The following CELF6 variants were observed in gnomAD, a reference collection of about 807,000 sequenced individuals.
CELF6 encodes CUGBP Elav-like family member 6, also known as Bruno -like 6, RNA binding protein.
Under a neutral mutation model 53.1 loss-of-function variants are expected in CELF6, and 32 were observed. The observed-to-expected ratio is 0.60, with a 90% CI of 0.46 to 0.81. CELF6 has a LOEUF of 0.81. Ranked by LOEUF, CELF6 falls within the 30% of genes least tolerant of loss-of-function variation. The pLI, the probability that CELF6 is intolerant of heterozygous loss-of-function variation, is 0.00. For missense variants in CELF6, 539 were observed against 669.5 expected, an observed-to-expected ratio of 0.81 and a Z score of 2.15; for synonymous variants, 291 against 288.8, an observed-to-expected ratio of 1.01 and a Z score of -0.08.
At chr15:72,292,051 TAA>T in intron 3 of CELF6, 1 of 606,978 alleles carries the variant, frequency 1.6e-6, no homozygotes, top group Non-Finnish European at 2.9e-6. Context: ...TGTTCTAACA[TAA>T]ATATTAGGAT....
At chr15:72,292,239 G>T in intron 3 of CELF6, 1 of 1,535,462 alleles carries the variant, frequency 6.5e-7, no homozygotes, top group South Asian at 1.2e-5. Flanking sequence ...GTTTGAGGGG[G>T]GATCTGAGAT....
At position 72,318,599 on chromosome 15, in the gene CELF6, T is replaced by G. The variant is rs550308698; in HGVS notation, c.262+1014A>C. Among the ~76,000 whole-genome samples, 166 of 152,278 alleles carry G rather than the reference T, an allele frequency of 1.1e-3. No homozygotes were observed. The South Asian group carries it at 0.014, about 13-fold the overall frequency. The stretch of plus-strand genomic sequence containing the variant: ...CCCTGCCTGGACAGACTTTTCTGCA[T>G]GTAAACAAGCCTCCTCCCTCTCTCT... On this transcript the variant is annotated intron_variant, in intron 1 of 12. Coordinates refer to ENST00000287202, the MANE Select transcript of CELF6 (RefSeq NM_052840.5).
chr15:72,289,541 C>A lies in CELF6; in HGVS notation c.748-34G>T. The A allele has an allele frequency of 6.7e-7, 1 of 1,496,018 alleles. No homozygotes were observed. The highest frequency in any genetic ancestry group is 2.2e-5 in the Admixed American group (1 of 45,204). 92.7% of individuals were successfully genotyped at this position (1,496,018 alleles called of 1,614,324 possible). A position where few individuals can be genotyped will look rare whatever the true frequency, so the allele number is the denominator to read the frequency against. On this transcript the variant is annotated intron_variant, in intron 6 of 12. Transcript: ENST00000287202. The surrounding 1 kb of genome is among the most constrained non-coding windows in gnomAD (Gnocchi z 7.6). ...GGAAAGATGGGCGAGAGTGGAGGGC[C>A]AAGGGGCAGGCAGCTGCCCGTGCTC... is the stretch of plus-strand genomic sequence containing the variant.
intron 2 of CELF6, among the ~76,000 whole-genome samples, chr15:72,314,891 G>T (rs1230717639): frequency 6.6e-6 from 1 of 151,990 alleles, no homozygotes; most frequent in East Asian, 1.9e-4. Flanking sequence ...CACCGCACTC[G>T]GCCTCAAAAA....
chr15:72,304,771 C>T lies in CELF6; in HGVS notation c.369G>A (p.Lys123=), dbSNP rs751219398. The T allele has an allele frequency of 2.5e-6, 4 of 1,614,072 alleles. No homozygotes were observed. The South Asian group carries it at 4.4e-5, about 18-fold the overall frequency. The change falls in exon 3 of 13, where the codon AAG becomes AAA. Residue 123 remains lysine, a synonymous_variant. Transcript: ENST00000287202. The part of the protein sequence containing the change: ...LPGMNRPIQV[K]PAASEGRGED... ...CTCCTCGGCCCTCACTGGCAGCTGGCTTCACTTGGATCGGACGATTCATCT... is the reference window on the plus strand; with the variant it reads ...CTCCTCGGCCCTCACTGGCAGCTGGTTTCACTTGGATCGGACGATTCATCT...
chr15:72,319,105 TGA>T lies in CELF6; in HGVS notation c.262+506_262+507del, dbSNP rs2088396449. Reference sequence around the variant, plus strand: ...TCTGCGGTGTTTTAGGTTGGCAGTCTGAGAGTCAAAAGAAGGCTCTTGAGGGG... The same window carrying T: ...TCTGCGGTGTTTTAGGTTGGCAGTCTGAGTCAAAAGAAGGCTCTTGAGGGG... On this transcript the variant is annotated intron_variant, in intron 1 of 12. Coordinates refer to ENST00000287202, the MANE Select transcript of CELF6 (RefSeq NM_052840.5). The surrounding 1 kb of genome is among the most constrained non-coding windows in gnomAD (Gnocchi z 5.0). Among the ~76,000 whole-genome samples, 1 of 151,996 alleles carries T rather than the reference TGA, an allele frequency of 6.6e-6. No homozygotes were observed. Among genetic ancestry groups the T allele is most frequent in the African/African-American group, 2.4e-5 (1 of 41,372 alleles).
At position 72,290,220 on chromosome 15, in the gene CELF6, G is replaced by A. The variant is rs1271753830; in HGVS notation, c.430C>T (p.Gln144Ter). The change falls in exon 4 of 13, where the codon CAG (glutamine) becomes TAG (stop). Residue 144 changes from glutamine (Q) to a stop codon, truncating the protein, a stop_gained. Coordinates refer to ENST00000287202, the MANE Select transcript of CELF6 (RefSeq NM_052840.5). LOFTEE classifies it high-confidence loss of function. ...CGTCTGACGTCCTCCTCACCCTGCT[G>A]CTTGCCCAGCATCCCCACAAACAGC... ...RKLFVGMLGK[Q>*]QGEEDVRRLF... 1 of 1,613,618 alleles carries A rather than the reference G, an allele frequency of 6.2e-7. No individual in the cohort carries two copies. Among genetic ancestry groups the A allele is most frequent in the African/African-American group, 1.3e-5 (1 of 74,928 alleles).
intron 2 of CELF6, among the ~76,000 whole-genome samples, chr15:72,311,097 A>G (rs924128351): frequency 5.9e-5 from 9 of 152,160 alleles, no homozygotes; most frequent in African/African-American, 2.2e-4. Flanking sequence ...TCTGCAAAGC[A>G]TCTACTCCCT....
At chr15:72,314,272 C>T (rs1456293663) in intron 2 of CELF6, among the ~76,000 whole-genome samples, 1 of 152,138 alleles carries the variant, frequency 6.6e-6, no homozygotes, top group African/African-American at 2.4e-5. Flanking sequence ...AAATCAGTGC[C>T]TATTTCTTAT....
At chr15:72,300,842 A>G (rs1417816965) in intron 3 of CELF6, among the ~76,000 whole-genome samples, 1 of 152,118 alleles carries the variant, frequency 6.6e-6, no homozygotes, top group African/African-American at 2.4e-5. Flanking sequence ...TCAAAAAGAA[A>G]AAAAAAAAAA....
chr15:72,289,728 G>T lies in CELF6; in HGVS notation c.646C>A (p.Arg216=). 1 of 1,475,992 alleles carries T rather than the reference G, an allele frequency of 6.8e-7. No homozygotes were observed. Among genetic ancestry groups the T allele is most frequent in the African/African-American group, 1.4e-5 (1 of 70,070 alleles). 91.4% of individuals were successfully genotyped at this position (1,475,992 alleles called of 1,614,324 possible). Residue 216 remains arginine, a synonymous_variant, in exon 6 of 13, where the codon CGG becomes AGG. Coordinates refer to ENST00000287202, the MANE Select transcript of CELF6 (RefSeq NM_052840.5). The surrounding 1 kb of genome is among the most constrained non-coding windows in gnomAD (Gnocchi z 7.6). ...TGCATCCGCCGCAGCGCGCGCTCCC[G>T]GTCGGTGTCCGCCAGCTTGACCACG... ...SLVVKLADTD[R]ERALRRMQQM...
chr15:72,298,580 A>G (rs2141193098), intron 3 of CELF6, among the ~76,000 whole-genome samples: 1 of 152,372 alleles, frequency 6.6e-6, no homozygotes, highest in South Asian at 2.1e-4. Flanking sequence ...TGAGTAAAGG[A>G]CACAGCCAAG....
At chr15:72,292,661 G>C (rs532292445) in intron 3 of CELF6, among the ~76,000 whole-genome samples, 1 of 152,326 alleles carries the variant, frequency 6.6e-6, no homozygotes, top group East Asian at 1.9e-4. Context: ...TCCTTCATCT[G>C]CTCTGCCTCT....
In CELF6 at chr15:72,289,264, C is replaced by G; in HGVS notation, c.904G>C (p.Gly302Arg). 6.3e-7 allele frequency: 1 copy of G among 1,580,212 alleles called. No individual in the cohort carries two copies. The highest frequency in any genetic ancestry group is 1.2e-5 in the South Asian group (1 of 86,912). The change falls in exon 8 of 13, where the codon GGC (glycine) becomes CGC (arginine). Residue 302 changes from glycine to arginine, a missense_variant. By Grantham distance (125) the Gly-to-Arg change is moderately radical. Coordinates refer to ENST00000287202, the MANE Select transcript of CELF6 (RefSeq NM_052840.5). The surrounding 1 kb of genome is among the most constrained non-coding windows in gnomAD (Gnocchi z 7.6). ...AAAANSPPGS[G>R]PGTLPGLPAP... Reference sequence around the variant, plus strand: ...GGAAGACCTGGGAGGGTGCCAGGGCCGCTGCCAGGCGGGGAGTTGGCTGCT... The same window carrying G: ...GGAAGACCTGGGAGGGTGCCAGGGCGGCTGCCAGGCGGGGAGTTGGCTGCT...
At position 72,288,553 on chromosome 15, in the gene CELF6, G is replaced by A; in HGVS notation, c.1159C>T (p.Gln387Ter). 1 of 1,601,428 alleles carries A rather than the reference G, an allele frequency of 6.2e-7. No homozygotes were observed. The highest frequency in any genetic ancestry group is 8.5e-7 in the Non-Finnish European group (1 of 1,172,904). The change falls in exon 10 of 13, where the codon CAG becomes TAG. Residue 387 changes from glutamine (Q) to a stop codon, truncating the protein, a stop_gained. Coordinates refer to ENST00000287202, the MANE Select transcript of CELF6 (RefSeq NM_052840.5). LOFTEE classifies it high-confidence loss of function. The surrounding 1 kb of genome is among the most constrained non-coding windows in gnomAD (Gnocchi z 4.6). ...AGTCCCTCACCTTCTCTCTGCTGCT[G>A]GGGCAGGGCTGAAGGCTGCTGGGGA... Reference protein sequence around the residue: ...AFPQQPSALPQQQREGPEGCN... With the variant: ...AFPQQPSALP
chr15:72,310,594 C>T (rs1051154470), intron 2 of CELF6, among the ~76,000 whole-genome samples: 1 of 145,944 alleles, frequency 6.9e-6, no homozygotes, highest in Admixed American at 7.1e-5. Context: ...GCTCAAGCAA[C>T]CCTCCCACCT....
In CELF6 at chr15:72,316,447, C is replaced by G. The variant is rs947617393; in HGVS notation, c.263-520G>C. ...ATGTCTCCCTCCCCTAAGTTTGAAG[C>G]TGGGGAATGGATTGATTTGAGACTT... On this transcript the variant is annotated intron_variant, in intron 1 of 12. Coordinates refer to ENST00000287202, the MANE Select transcript of CELF6 (RefSeq NM_052840.5). 3.9e-5 allele frequency among the ~76,000 whole-genome samples: 6 copies of G among 152,132 alleles called. No homozygotes were observed. In the East Asian group the frequency reaches 5.8e-4, roughly 15 times the overall value.
In CELF6 at chr15:72,289,738, C is replaced by G; in HGVS notation, c.636G>C (p.Ala212=). 1 of 1,468,662 alleles carries G rather than the reference C, an allele frequency of 6.8e-7. No homozygotes were observed. The allele number at this position is 1,468,662 out of a possible 1,614,324, so 91.0% of individuals were successfully genotyped here. A position where few individuals can be genotyped will look rare whatever the true frequency, so the allele number is the denominator to read the frequency against. Reference sequence around the variant, plus strand: ...GCAGCGCGCGCTCCCGGTCGGTGTCCGCCAGCTTGACCACGAGGCTGGACG... The same window carrying G: ...GCAGCGCGCGCTCCCGGTCGGTGTCGGCCAGCTTGACCACGAGGCTGGACG... The part of the protein sequence containing the change: ...GASSSLVVKL[A]DTDRERALRR... Residue 212 remains alanine (A), a synonymous_variant, in exon 6 of 13, where the codon GCG becomes GCC. Transcript: ENST00000287202. The surrounding 1 kb of genome is among the most constrained non-coding windows in gnomAD (Gnocchi z 7.6).
chr15:72,318,070 T>A (rs2088383202), intron 1 of CELF6, among the ~76,000 whole-genome samples: 1 of 152,148 alleles, frequency 6.6e-6, no homozygotes, highest in Admixed American at 6.5e-5. Flanking sequence ...CTACAAAGAT[T>A]AGCTTTGTAT....
Sources: allele counts gnomAD v4.1 joint callset (sites outside exome capture counted in the v4.1 genomes callset), GRCh38; gene constraint gnomAD v4.1.1; non-coding constraint Gnocchi (gnomAD v3.1); transcripts MANE v1.5; gene names NCBI Gene and HGNC (gene_info 2026-07-23, HGNC 2026-07-21).